Variants in DLGAP2 observed in about 807,000 individuals in gnomAD.
DLGAP2 encodes DLG associated protein 2, also known as disks large-associated protein 2.
In DLGAP2, 26 loss-of-function variants were observed where a neutral mutation model predicts 100.3. The ratio of observed to expected loss-of-function variants is 0.26; its 90% CI spans 0.19 to 0.36. The LOEUF is 0.36. Ranked by LOEUF, DLGAP2 falls within the 10% of genes least tolerant of loss-of-function variation. The pLI is 1.00. For missense variants in DLGAP2, 1,858 were observed against 1,453.2 expected (o/e 1.28, Z -4.53); for synonymous variants, 886 against 630.1 (o/e 1.41, Z -6.08).
intron 8 of DLGAP2, among the ~76,000 whole-genome samples, chr8:1,661,103 C>T (rs564788640): frequency 6.6e-6 from 1 of 152,220 alleles, no homozygotes; most frequent in Non-Finnish European, 1.5e-5. Context: ...AGTGTTCAAG[C>T]TCTAGCTCTT....
chr8:1,206,067 A>C (rs955435709), intron 2 of DLGAP2, among the ~76,000 whole-genome samples: 1 of 152,178 alleles, frequency 6.6e-6, no homozygotes, highest in Non-Finnish European at 1.5e-5. Flanking sequence ...CTCAGTCGGG[A>C]TATCTCTGAG....
intron 3 of DLGAP2, among the ~76,000 whole-genome samples, chr8:1,452,359 G>C (rs1798186637): frequency 1.3e-5 from 2 of 152,258 alleles, no homozygotes; most frequent in Admixed American, 6.5e-5. Context: ...TGTGGGAACA[G>C]CACCAAACAT....
intron 3 of DLGAP2, among the ~76,000 whole-genome samples, chr8:1,443,286 TC>T (rs1797891842): frequency 6.6e-6 from 1 of 151,558 alleles, no homozygotes; most frequent in Non-Finnish European, 1.5e-5. Context: ...CAGCCTTCCC[TC>T]CACTGCCCAG....
At chr8:1,216,208 TG>T (rs1270327588) in intron 2 of DLGAP2, among the ~76,000 whole-genome samples, 2 of 152,182 alleles carry the variant, frequency 1.3e-5, no homozygotes, top group Non-Finnish European at 2.9e-5. Flanking sequence ...CATGTCACAT[TG>T]GGGTCTTCAG....
chr8:1,366,971 G>A (rs906515645), intron 3 of DLGAP2, among the ~76,000 whole-genome samples: 5 of 150,014 alleles, frequency 3.3e-5, no homozygotes, highest in Non-Finnish European at 5.9e-5. Context: ...CAACACACAC[G>A]CACGTGACCA....
At chr8:1,201,955 CAT>C (rs200797968) in intron 2 of DLGAP2, among the ~76,000 whole-genome samples, 5,281 of 146,144 alleles carry the variant, frequency 0.036, 316 homozygotes, top group African/African-American at 0.12. Flanking sequence ...TATGTGTACA[CAT>C]GTGGTGTGTA....
intron 4 of DLGAP2, among the ~76,000 whole-genome samples, chr8:1,539,625 A>G (rs529909785): frequency 2.0e-5 from 3 of 151,510 alleles, no homozygotes; most frequent in Non-Finnish European, 4.4e-5. Flanking sequence ...TTCCTGTTTG[A>G]AGGATGCCCG....
chr8:880,947 C>G (rs1797777778), intron 1 of DLGAP2, among the ~76,000 whole-genome samples: 1 of 152,262 alleles, frequency 6.6e-6, no homozygotes, highest in Non-Finnish European at 1.5e-5. Flanking sequence ...CACTTAATAT[C>G]TAATTGCACA....
intron 1 of DLGAP2, among the ~76,000 whole-genome samples, chr8:824,274 C>A (rs1796644630): frequency 6.6e-6 from 1 of 151,856 alleles, no homozygotes; most frequent in African/African-American, 2.4e-5. Flanking sequence ...TGGGGTTTTG[C>A]CATGTTGCCC....
chr8:1,131,417 C>T (rs1796291461), intron 2 of DLGAP2, among the ~76,000 whole-genome samples: 1 of 152,192 alleles, frequency 6.6e-6, no homozygotes, highest in African/African-American at 2.4e-5. Flanking sequence ...GGCGCTTTCT[C>T]ACTCTGTGCT....
intron 2 of DLGAP2, among the ~76,000 whole-genome samples, chr8:1,117,726 C>A (rs569354449): frequency 3.3e-5 from 5 of 152,258 alleles, no homozygotes; most frequent in African/African-American, 1.2e-4. Flanking sequence ...TTCTCCAGAC[C>A]AGGACTCTTT....
At chr8:746,445 C>G (rs1015610300) in intron 1 of DLGAP2, among the ~76,000 whole-genome samples, 3 of 152,234 alleles carry the variant, frequency 2.0e-5, no homozygotes, top group Admixed American at 2.0e-4. Context: ...CACAGAGCCA[C>G]AGGCCACGTC....
At position 1,493,029 on chromosome 8, in the gene DLGAP2, G is replaced by T. The variant is rs114050100; in HGVS notation, c.107-8337G>T. ...TCACCCAGGCGAGAGAAAATGCCAG[G>T]ATCTCAGGGGCAGGCTGCACAGAGA... On this transcript the variant is annotated intron_variant, in intron 3 of 14. Coordinates refer to ENST00000637795, the MANE Select transcript of DLGAP2 (RefSeq NM_001346810.2). Among the ~76,000 whole-genome samples, 1,087 of 152,294 alleles carry T rather than the reference G, an allele frequency of 7.1e-3. 18 individuals are homozygous for T. The highest frequency in any genetic ancestry group is 0.025 in the African/African-American group (1,026 of 41,570).
intron 2 of DLGAP2, among the ~76,000 whole-genome samples, chr8:1,053,686 T>TTTG (rs1259469024): frequency 1.3e-5 from 2 of 152,204 alleles, no homozygotes; most frequent in Non-Finnish European, 2.9e-5. Flanking sequence ...ACCCAGTCTT[T>TTTG]CTGCCTGACA....
chr8:1,378,343 C>G (rs944214661), intron 3 of DLGAP2, among the ~76,000 whole-genome samples: 1 of 150,272 alleles, frequency 6.7e-6, no homozygotes, highest in African/African-American at 2.5e-5. Context: ...CTGCACACAC[C>G]TGACCTCACC....
intron 2 of DLGAP2, among the ~76,000 whole-genome samples, chr8:1,103,230 CT>C (rs1804644502): frequency 6.6e-6 from 1 of 152,148 alleles, no homozygotes; most frequent in Non-Finnish European, 1.5e-5. Flanking sequence ...TGGGCGTCGT[CT>C]GGGGGTGTTT....
chr8:923,152 G>C (rs376582743), intron 2 of DLGAP2, among the ~76,000 whole-genome samples: 20 of 152,116 alleles, frequency 1.3e-4, no homozygotes, highest in African/African-American at 3.9e-4. Context: ...TATCCGGGCT[G>C]TGTCATAATG....
At chr8:1,612,429 A>T (rs1173117755) in intron 6 of DLGAP2, among the ~76,000 whole-genome samples, 1 of 137,540 alleles carries the variant, frequency 7.3e-6, no homozygotes, top group Non-Finnish European at 1.6e-5. Context: ...ACCTAAAACC[A>T]TAAAAACCCT....
At chr8:1,471,515 C>T (rs991122953) in intron 3 of DLGAP2, among the ~76,000 whole-genome samples, 18 of 149,118 alleles carry the variant, frequency 1.2e-4, no homozygotes, top group Non-Finnish European at 1.9e-4. Flanking sequence ...CCAGCCTCTG[C>T]GATGCCCTCC....
Sources: gnomAD v4.1 joint callset for allele counts (sites outside exome capture counted in the v4.1 genomes callset) on GRCh38, gnomAD v4.1.1 for gene constraint, MANE v1.5 for transcripts, NCBI Gene and HGNC (gene_info 2026-07-23, HGNC 2026-07-21) for gene names.